Variants in SMARCA4 observed in about 807,000 individuals in gnomAD.
SMARCA4 encodes the protein SWI/SNF related BAF chromatin remodeling complex subunit ATPase 4.
SMARCA4 carries 31 observed loss-of-function variants against 193.9 expected under a neutral mutation model. That is an observed-to-expected ratio of 0.16 (90% confidence interval 0.12 to 0.22). The LOEUF is 0.22. SMARCA4 is among the 10% of genes least tolerant of loss of function. The pLI, the probability that SMARCA4 is intolerant of heterozygous loss-of-function variation, is 1.00. For missense variants in SMARCA4, 1,148 were observed against 2,296.0 expected (o/e 0.50, Z 10.22); for synonymous variants, 942 against 933.1 (o/e 1.01, Z -0.17).
rs377743250 is a variant in SMARCA4, at chr19:11,021,720, C to T, written c.2617-5C>T. 51 of 1,606,472 alleles carry T rather than the reference C, an allele frequency of 3.2e-5. 1 individual carries two copies. The highest frequency in any genetic ancestry group is 1.0e-4 in the South Asian group (9 of 90,358). On this transcript the variant is annotated splice_region_variant and splice_polypyrimidine_tract_variant and intron_variant, in intron 18 of 34. Coordinates refer to ENST00000344626, the MANE Select transcript of SMARCA4 (RefSeq NM_003072.5). Reference sequence around the variant, plus strand: ...TGCCCTGATTGCCCACTCTGGGGCCCGCAGATCCGTTGGAAGTACATGATT... The same window carrying T: ...TGCCCTGATTGCCCACTCTGGGGCCTGCAGATCCGTTGGAAGTACATGATT...
In SMARCA4 at chr19:11,061,974, G is replaced by A. The variant is rs1372985012; in HGVS notation, c.*158G>A. 1 of 705,016 alleles carries A rather than the reference G, an allele frequency of 1.4e-6. No homozygotes were observed. 43.7% of individuals were successfully genotyped at this position (705,016 alleles called of 1,614,324 possible). Reference sequence around the variant, plus strand: ...TATTTATACAGCAGAGAAGCTGTAGGACTGTTTGTGACTGGCCCTGTCCTG... The same window carrying A: ...TATTTATACAGCAGAGAAGCTGTAGAACTGTTTGTGACTGGCCCTGTCCTG... On this transcript the variant is annotated 3_prime_UTR_variant, in exon 35 of 35. Coordinates refer to ENST00000344626, the MANE Select transcript of SMARCA4 (RefSeq NM_003072.5).
At chr19:11,056,970 G>T (rs1057456647) in intron 30 of SMARCA4, among the ~76,000 whole-genome samples, 1 of 152,226 alleles carries the variant, frequency 6.6e-6, no homozygotes, top group African/African-American at 2.4e-5. Context: ...CCAGCCAGTG[G>T]CATGGGCGGG....
intron 1 of SMARCA4, among the ~76,000 whole-genome samples, chr19:10,972,133 A>G (rs1019644044): frequency 2.0e-5 from 3 of 151,878 alleles, no homozygotes; most frequent in Non-Finnish European, 4.4e-5. Flanking sequence ...TAATTTTTGT[A>G]TTTTTAGTAG....
intron 13 of SMARCA4, 151 bp from the exon 14 acceptor site, chr19:11,007,751 T>G (rs2088372066): frequency 9.0e-6 from 6 of 663,700 alleles, no homozygotes; most frequent in Admixed American, 2.8e-5. Flanking sequence ...AAAACAAAGA[T>G]GTAAATAATA....
Position 11,033,983 on chromosome 19 carries a change from G to A in SMARCA4, c.3873+118G>A, listed in dbSNP as rs1034288066. ...GTGCGTGTGCGTGTGTGTGCCTTTC[G>A]CTGCCGTGTGGGTCCCCATCCACCG... On this transcript the variant is annotated intron_variant, in intron 27 of 34. Coordinates refer to ENST00000344626, the MANE Select transcript of SMARCA4 (RefSeq NM_003072.5). The surrounding 1 kb of genome is among the most constrained non-coding windows in gnomAD (Gnocchi z 9.8). The A allele has an allele frequency of 1.0e-4, 76 of 760,728 alleles. No individual in the cohort carries two copies. The Admixed American group carries it at 1.4e-3, about 14-fold the overall frequency. The allele number at this position is 760,728 out of a possible 1,614,324, so 47.1% of individuals were successfully genotyped here. A position where few individuals can be genotyped will look rare whatever the true frequency, so the allele number is the denominator to read the frequency against.
rs867928008 is a variant in SMARCA4, at chr19:11,019,406, C to T, written c.2506-185C>T. 4.1e-5 allele frequency: 26 copies of T among 628,346 alleles called. No homozygotes were observed. The highest frequency in any genetic ancestry group is 6.0e-5 in the Non-Finnish European group (21 of 348,404). 38.9% of individuals were successfully genotyped at this position (628,346 alleles called of 1,614,324 possible). A position where few individuals can be genotyped will look rare whatever the true frequency, so the allele number is the denominator to read the frequency against. On this transcript the variant is annotated intron_variant, in intron 17 of 34. Coordinates refer to ENST00000344626, the MANE Select transcript of SMARCA4 (RefSeq NM_003072.5). This position sits in a 1 kb window ranked among gnomAD's most constrained non-coding sequence, Gnocchi z 6.1. ...GCACTGCTTCCTCTTCCCCCTGCAG[C>T]GCGTGTTCTGCGTGGTGAGGTCTGG...
intron 6 of SMARCA4, among the ~76,000 whole-genome samples, chr19:10,988,165 C>T (rs2086234982): frequency 6.6e-6 from 1 of 151,810 alleles, no homozygotes; most frequent in Non-Finnish European, 1.5e-5. Context: ...TTGTTGCCCA[C>T]GCTGGAGTGC....
intron 30 of SMARCA4, among the ~76,000 whole-genome samples, chr19:11,042,741 C>G (rs1402653543): frequency 2.0e-5 from 3 of 152,218 alleles, no homozygotes; most frequent in Non-Finnish European, 2.9e-5. Context: ...CAGCCCAGCA[C>G]TTTGAGAGGC....
Position 10,961,058 on chromosome 19 carries a change from T to TGGCGGC in SMARCA4, c.-138_-133dup, listed in dbSNP as rs964975066. On this transcript the variant is annotated 5_prime_UTR_variant, in exon 1 of 35. Transcript: ENST00000344626. ...CGCGCGCGCGAGGCTTCCCCTCGTT[T>TGGCGGC]GGCGGCGGCGGCGGCTTCTTTGTTT... The TGGCGGC allele has an allele frequency of 6.7e-6, 1 of 148,976 alleles. No individual in the cohort carries two copies. The highest frequency in any genetic ancestry group is 2.4e-5 in the African/African-American group (1 of 40,950). The allele number at this position is 148,976 out of a possible 1,614,324, so 9.2% of individuals were successfully genotyped here. A position where few individuals can be genotyped will look rare whatever the true frequency, so the allele number is the denominator to read the frequency against.
intron 30 of SMARCA4, among the ~76,000 whole-genome samples, chr19:11,044,839 C>T (rs1028201140): frequency 2.0e-5 from 3 of 152,184 alleles, no homozygotes; most frequent in Non-Finnish European, 4.4e-5. Flanking sequence ...CTGTCCACAC[C>T]GACAGACGTG....
intron 30 of SMARCA4, among the ~76,000 whole-genome samples, chr19:11,046,827 A>G (rs1398736630): frequency 6.6e-6 from 1 of 151,706 alleles, no homozygotes; most frequent in East Asian, 1.9e-4. Context: ...GTGGTGGTGC[A>G]CTCCTGTTGA....
chr19:11,024,988 G>A (rs1443763166), intron 21 of SMARCA4, among the ~76,000 whole-genome samples: 4 of 68,984 alleles, frequency 5.8e-5, no homozygotes, highest in South Asian at 5.5e-4. Flanking sequence ...TGCACCCCCC[G>A]CCCCGCCCCC....
intron 11 of SMARCA4, 117 bp from the exon 12 acceptor site, chr19:11,002,912 T>C (rs1391516661): frequency 2.6e-6 from 3 of 1,132,254 alleles, no homozygotes; most frequent in Admixed American, 1.7e-5. Flanking sequence ...CCACTGGCCA[T>C]GTTTGCCTGC....
intron 16 of SMARCA4, chr19:11,018,225 C>T (rs1170429346): frequency 6.2e-6 from 1 of 161,340 alleles, no homozygotes; most frequent in East Asian, 1.8e-4. Context: ...TTCCCTCCCC[C>T]ACTGAAAACT....
chr19:11,037,590 C>T (rs185148095), intron 29 of SMARCA4, among the ~76,000 whole-genome samples: 5 of 152,208 alleles, frequency 3.3e-5, no homozygotes, highest in Admixed American at 6.5e-5. Flanking sequence ...TCTGCACATT[C>T]TCTTTTCGCT....
rs2145746994 is a variant in SMARCA4, at chr19:10,985,254, G to A, written c.223-19G>A. ...ACGTTCCACATGCTGACCCTGCCTT[G>A]CCATGGTCCCTCTCGCAGCCCATGG... On this transcript the variant is annotated intron_variant, in intron 2 of 34. Transcript: ENST00000344626. This position sits in a 1 kb window ranked among gnomAD's most constrained non-coding sequence, Gnocchi z 4.5. 6.2e-7 allele frequency: 1 copy of A among 1,613,696 alleles called. No homozygotes were observed. Among genetic ancestry groups the A allele is most frequent in the Non-Finnish European group, 8.5e-7 (1 of 1,179,884 alleles).
chr19:11,003,438 A>C (rs1310053410), intron 13 of SMARCA4, 41 bp downstream of exon 13: 2 of 1,503,610 alleles, frequency 1.3e-6, no homozygotes, highest in East Asian at 4.5e-5. Context: ...CTCAGTGCCC[A>C]CTGGCAGTGA....
At chr19:11,047,692 G>A (rs1223540260) in intron 30 of SMARCA4, 2 of 152,308 alleles carry the variant, frequency 1.3e-5, no homozygotes, top group African/African-American at 2.4e-5. Context: ...TTACAGGCAT[G>A]AGCCACCGTA....
chr19:11,037,950 A>G (rs1466566686), intron 29 of SMARCA4, among the ~76,000 whole-genome samples: 1 of 152,244 alleles, frequency 6.6e-6, no homozygotes, highest in Non-Finnish European at 1.5e-5. Context: ...AAAATATTAT[A>G]CAAAACACTG....
Sources: gnomAD v4.1 joint callset for allele counts (sites outside exome capture counted in the v4.1 genomes callset) on GRCh38, gnomAD v4.1.1 for gene constraint, Gnocchi (gnomAD v3.1) non-coding constraint, MANE v1.5 for transcripts, NCBI Gene and HGNC (gene_info 2026-07-23, HGNC 2026-07-21) for gene names.